The following MCM3AP variants were observed in gnomAD, a reference collection of about 807,000 sequenced individuals.
The protein encoded by MCM3AP is minichromosome maintenance complex component 3 associated protein, also known as germinal-center associated nuclear protein.
In MCM3AP, 126 loss-of-function variants were observed where a neutral mutation model predicts 184.1. That is an observed-to-expected ratio of 0.68 (90% confidence interval 0.59 to 0.79). MCM3AP has a LOEUF of 0.79. MCM3AP is among the 30% of genes least tolerant of loss of function. The pLI is 0.00. For missense variants in MCM3AP, 2,496 were observed against 2,479.2 expected (o/e 1.01, Z -0.14); for synonymous variants, 1,002 against 979.3 (o/e 1.02, Z -0.43).
At chr21:46,256,463 A>T in intron 17 of MCM3AP, 1 of 352,634 alleles carries the variant, frequency 2.8e-6, no homozygotes, top group South Asian at 3.8e-5. Context: ...GGCTCCTCCA[A>T]CAAGGATGGA....
intron 23 of MCM3AP, among the ~76,000 whole-genome samples, chr21:46,244,089 T>G (rs1384340232): frequency 2.6e-5 from 4 of 152,256 alleles, no homozygotes; most frequent in African/African-American, 4.8e-5. Flanking sequence ...CTGAGTGGTT[T>G]GCTTCCCTTT....
At chr21:46,237,080 C>CT (rs1170192245) in intron 26 of MCM3AP, 101 bp from the exon 27 acceptor site, 2 of 486,362 alleles carry the variant, frequency 4.1e-6, no homozygotes, top group Non-Finnish European at 6.4e-6. Flanking sequence ...TAAGCCTTTG[C>CT]TTTTTTAAAA....
chr21:46,240,680 T>G, intron 26 of MCM3AP, 131 bp downstream of exon 26: 1 of 767,832 alleles, frequency 1.3e-6, no homozygotes. Context: ...GTTACATCAC[T>G]AAAACTGTTG....
At chr21:46,273,333 T>C in intron 7 of MCM3AP, 55 bp downstream of exon 7, 1 of 1,499,326 alleles carries the variant, frequency 6.7e-7, no homozygotes, top group Non-Finnish European at 9.3e-7. Context: ...AAATATCAGT[T>C]TGACTTTGGA....
intron 15 of MCM3AP, among the ~76,000 whole-genome samples, chr21:46,259,683 C>G (rs2081014717): frequency 6.6e-6 from 1 of 151,880 alleles, no homozygotes; most frequent in Non-Finnish European, 1.5e-5. Flanking sequence ...GAGGCCAGGG[C>G]AGGCGGATCA....
In MCM3AP at chr21:46,284,853, C is replaced by A. The variant is rs751278890; in HGVS notation, c.434G>T (p.Ser145Ile). Residue 145 changes from serine (S) to isoleucine (I), a missense_variant, in exon 1 of 28, where the codon AGC (serine) becomes ATC (isoleucine). Physicochemically the swap from Ser to Ile is moderately radical, Grantham distance 142 (BLOSUM62 -2). Around this residue, in one of 5 missense-constraint regions of MCM3AP, gnomAD observed 800 missense variants for 717.1 expected, o/e 1.12. Coordinates refer to ENST00000291688, the MANE Select transcript of MCM3AP (RefSeq NM_003906.5). The stretch of plus-strand genomic sequence containing the variant: ...CACTGCATTTTCCAGAGGTTTAAAG[C>A]TGAATTCTGTTTTCCCAAAACCAGA... ...VNSGFGKTEF[S>I]FKPLENAVFK... is the part of the protein sequence containing the mutation. The A allele has an allele frequency of 6.2e-7, 1 of 1,614,132 alleles. No homozygotes were observed. The highest frequency in any genetic ancestry group is 1.7e-5 in the Admixed American group (1 of 60,016).
chr21:46,276,423 G>A (rs1356893824), intron 5 of MCM3AP, among the ~76,000 whole-genome samples: 1 of 152,028 alleles, frequency 6.6e-6, no homozygotes, highest in African/African-American at 2.4e-5. Flanking sequence ...CTTTTAAAAA[G>A]AGGAAACTCC....
At chr21:46,276,260 C>T (rs1416539458) in intron 5 of MCM3AP, among the ~76,000 whole-genome samples, 1 of 142,612 alleles carries the variant, frequency 7.0e-6, no homozygotes, top group Non-Finnish European at 1.5e-5. Context: ...GACTCCATCT[C>T]GAGGAAAAAA....
rs200691152 is a variant in MCM3AP, at chr21:46,243,443, C to T, written c.5296+22G>A. On this transcript the variant is annotated intron_variant, in intron 24 of 27. Transcript: ENST00000291688. ...GGAAAGTCTCGTGAGGAGCTGATCCCATTGCATCAAGCTCTAATTACCTGA... is the reference window on the plus strand; with the variant it reads ...GGAAAGTCTCGTGAGGAGCTGATCCTATTGCATCAAGCTCTAATTACCTGA... The T allele has an allele frequency of 3.5e-5, 55 of 1,582,510 alleles. No homozygotes were observed. In the East Asian group the frequency reaches 1.2e-3, roughly 35 times the overall value.
chr21:46,261,047 C>G, intron 14 of MCM3AP, 141 bp from the exon 15 acceptor site: 2 of 817,380 alleles, frequency 2.4e-6, no homozygotes, highest in Non-Finnish European at 3.9e-6. Context: ...GCTCCCCTGA[C>G]ACCACCTCCC....
intron 9 of MCM3AP, 42 bp from the exon 10 acceptor site, chr21:46,267,184 C>T (rs1401979074): frequency 6.3e-7 from 1 of 1,585,770 alleles, no homozygotes; most frequent in Non-Finnish European, 8.6e-7. Flanking sequence ...AGACGAAGGC[C>T]CAGTCAGACA....
At chr21:46,273,292 G>A (rs1024654366) in intron 7 of MCM3AP, 96 bp downstream of exon 7, 1 of 1,224,508 alleles carries the variant, frequency 8.2e-7, no homozygotes. Context: ...GTACATTTTT[G>A]TTACAGATAA....
Position 46,285,214 on chromosome 21 carries a change from G to A in MCM3AP, c.73C>T (p.Leu25Phe), listed in dbSNP as rs924668685. ...AATCGAAATGGCGGCTTAGATGGAA[G>A]TGTTCCTACATTACTAGAAGACGCC... ...FSASSSNVGTLPSKPPFRFGQ... is the reference protein window; with the variant it reads ...FSASSSNVGTFPSKPPFRFGQ... The change falls in exon 1 of 28, where the codon CTT becomes TTT. Residue 25 changes from leucine to phenylalanine, a missense_variant. Leu to Phe is a conservative substitution (Grantham distance 22). Transcript: ENST00000291688. 1 of 1,614,262 alleles carries A rather than the reference G, an allele frequency of 6.2e-7. No homozygotes were observed. Among genetic ancestry groups the A allele is most frequent in the Non-Finnish European group, 8.5e-7 (1 of 1,180,036 alleles).
At chr21:46,264,368 C>T in intron 12 of MCM3AP, 151 bp from the exon 13 acceptor site, 1 of 598,490 alleles carries the variant, frequency 1.7e-6, no homozygotes, top group Non-Finnish European at 3.0e-6. Context: ...GGAAAGGTGT[C>T]CCCTAGCGAA....
Position 46,267,156 on chromosome 21 carries a change from C to G in MCM3AP, c.2629-14G>C, listed in dbSNP as rs1431015982. 6.2e-7 allele frequency: 1 copy of G among 1,611,376 alleles called. No homozygotes were observed. Among genetic ancestry groups the G allele is most frequent in the East Asian group, 2.2e-5 (1 of 44,746 alleles). Reference sequence around the variant, plus strand: ...ATCCTTGCGGATCTGAGAGGAGGAGCGAAATCACTGCAGTCTCAGACGAAG... The same window carrying G: ...ATCCTTGCGGATCTGAGAGGAGGAGGGAAATCACTGCAGTCTCAGACGAAG... On this transcript the variant is annotated splice_polypyrimidine_tract_variant and intron_variant, in intron 9 of 27. Transcript: ENST00000291688.
Position 46,235,596 on chromosome 21 carries a change from C to G in MCM3AP, c.5785-170G>C. The stretch of plus-strand genomic sequence containing the variant: ...TATATCCTTCCAGCCTCATTTAGCT[C>G]GTACATTCAGCTGGTATCTGTATAT... On this transcript the variant is annotated intron_variant, in intron 27 of 27. Coordinates refer to ENST00000291688, the MANE Select transcript of MCM3AP (RefSeq NM_003906.5). 2 of 608,328 alleles carry G rather than the reference C, an allele frequency of 3.3e-6. 1 individual carries two copies. The highest frequency in any genetic ancestry group is 5.8e-6 in the Non-Finnish European group (2 of 344,096). 37.7% of individuals were successfully genotyped at this position (608,328 alleles called of 1,614,324 possible). A position where few individuals can be genotyped will look rare whatever the true frequency, so the allele number is the denominator to read the frequency against.
At position 46,261,295 on chromosome 21, in the gene MCM3AP, C is replaced by T. The variant is rs771330017; in HGVS notation, c.3452G>A (p.Arg1151Gln). The T allele has an allele frequency of 1.1e-5, 18 of 1,613,976 alleles. No homozygotes were observed. Among genetic ancestry groups the T allele is most frequent in the Middle Eastern group, 1.7e-4 (1 of 6,038 alleles). ...ERERREQERQ[R>Q]AEEERLKQER... ...ACACACTTACCTTTCCTCTTCAGCC[C>T]GCTGCCTCTCCTGCTCCCTTCGCTC... The change falls in exon 14 of 28, where the codon CGG (arginine) becomes CAG (glutamine). Residue 1151 changes from arginine (R) to glutamine (Q), a missense_variant. By Grantham distance (43) the Arg-to-Gln change is conservative. Coordinates refer to ENST00000291688, the MANE Select transcript of MCM3AP (RefSeq NM_003906.5).
intron 2 of MCM3AP, among the ~76,000 whole-genome samples, chr21:46,282,204 A>G (rs1396705842): frequency 6.6e-6 from 1 of 152,216 alleles, no homozygotes; most frequent in Non-Finnish European, 1.5e-5. Flanking sequence ...TAGGATTACC[A>G]TATGACCCAG....
chr21:46,285,143 C>G lies in MCM3AP; in HGVS notation c.144G>C (p.Lys48Asn), dbSNP rs763833852. 1 of 1,614,208 alleles carries G rather than the reference C, an allele frequency of 6.2e-7. No individual in the cohort carries two copies. The highest frequency in any genetic ancestry group is 8.5e-7 in the Non-Finnish European group (1 of 1,180,038). The change falls in exon 1 of 28, where the codon AAG becomes AAC. Residue 48 changes from lysine to asparagine, a missense_variant. Physicochemically the swap from Lys to Asn is moderately conservative, Grantham distance 94 (BLOSUM62 0). This residue lies in a region of MCM3AP where 800 missense variants were observed against 717.1 expected (regional missense o/e 1.12). Transcript: ENST00000291688. ...TGGATACCTGTGAAAATCCCGAGCTCTTCCCAGATAAGGTACTGTTTTGTC... is the reference window on the plus strand; with the variant it reads ...TGGATACCTGTGAAAATCCCGAGCTGTTCCCAGATAAGGTACTGTTTTGTC... ...LFGQNSTLSG[K>N]SSGFSQVSSF...
Sources: allele counts gnomAD v4.1 joint callset (sites outside exome capture counted in the v4.1 genomes callset), GRCh38; gene constraint gnomAD v4.1.1; regional missense constraint gnomAD v4.1.1; transcripts MANE v1.5; gene names NCBI Gene and HGNC (gene_info 2026-07-23, HGNC 2026-07-21).